SLC35F1: variants seen among roughly 807,000 people sequenced by gnomAD.
The protein encoded by SLC35F1 is chromosome 6 open reading frame 169.
A neutral mutation model predicts 48.7 loss-of-function variants in SLC35F1; 14 were observed. The ratio of observed to expected loss-of-function variants is 0.29; its 90% CI spans 0.19 to 0.45. The LOEUF is 0.45. SLC35F1 is among the 20% of genes least tolerant of loss of function. The pLI, the probability that SLC35F1 is intolerant of heterozygous loss-of-function variation, is 1.00. For missense variants in SLC35F1, 404 were observed against 500.0 expected (o/e 0.81, Z 1.83); for synonymous variants, 190 against 202.2 (o/e 0.94, Z 0.51).
At chr6:118,278,392 A>C (rs1436246421) in intron 6 of SLC35F1, among the ~76,000 whole-genome samples, 1 of 152,206 alleles carries the variant, frequency 6.6e-6, no homozygotes, top group Non-Finnish European at 1.5e-5. Context: ...CTTTGATACA[A>C]CTTTAGCCAA....
chr6:117,986,552 C>G (rs1043493606), intron 1 of SLC35F1, among the ~76,000 whole-genome samples: 1 of 152,136 alleles, frequency 6.6e-6, no homozygotes, highest in Non-Finnish European at 1.5e-5. Flanking sequence ...GTTTGTAAAG[C>G]TCACTGATTG....
At chr6:118,209,000 C>A (rs1774970944) in intron 2 of SLC35F1, among the ~76,000 whole-genome samples, 1 of 152,206 alleles carries the variant, frequency 6.6e-6, no homozygotes, top group South Asian at 2.1e-4. Context: ...AGGTCACTCT[C>A]TTCCTTCTCT....
chr6:118,253,626 A>G (rs1775603732), intron 3 of SLC35F1, among the ~76,000 whole-genome samples: 1 of 152,118 alleles, frequency 6.6e-6, no homozygotes, highest in Non-Finnish European at 1.5e-5. Context: ...AACAAGATGC[A>G]TCCACAAAAA....
Position 117,944,889 on chromosome 6 carries a change from A to G in SLC35F1, c.173+36990A>G, listed in dbSNP as rs560282669. Among the ~76,000 whole-genome samples the G allele has an allele frequency of 3.9e-5, 6 of 152,130 alleles. No individual in the cohort carries two copies. The South Asian group carries it at 1.2e-3, about 32-fold the overall frequency. On this transcript the variant is annotated intron_variant, in intron 1 of 7. Transcript: ENST00000360388. Reference sequence around the variant, plus strand: ...CTGAGTGCTTTTACTGTGTTCCCAAATGGTCTGGATCTGTCTTTGACAAGG... The same window carrying G: ...CTGAGTGCTTTTACTGTGTTCCCAAGTGGTCTGGATCTGTCTTTGACAAGG...
chr6:117,910,366 A>G (rs144727322), intron 1 of SLC35F1, among the ~76,000 whole-genome samples: 21 of 152,340 alleles, frequency 1.4e-4, no homozygotes, highest in African/African-American at 3.6e-4. Flanking sequence ...GGGCCTAATC[A>G]TAAGCATCTT....
intron 2 of SLC35F1, among the ~76,000 whole-genome samples, chr6:118,198,351 A>G (rs1304061548): frequency 1.3e-5 from 2 of 152,222 alleles, no homozygotes; most frequent in African/African-American, 4.8e-5. Flanking sequence ...TCACAGAAGT[A>G]ACATGACCAT....
At chr6:118,112,497 C>G (rs1453482378) in intron 1 of SLC35F1, among the ~76,000 whole-genome samples, 1 of 152,090 alleles carries the variant, frequency 6.6e-6, no homozygotes, top group Non-Finnish European at 1.5e-5. Flanking sequence ...CTCCACTTTA[C>G]TTTCTTAATA....
chr6:117,988,330 C>T (rs983340202), intron 1 of SLC35F1, among the ~76,000 whole-genome samples: 1 of 152,068 alleles, frequency 6.6e-6, no homozygotes, highest in Admixed American at 6.6e-5. Flanking sequence ...CCCTTATATC[C>T]CAGAGCAGCA....
At chr6:118,013,124 C>A (rs1464116444) in intron 1 of SLC35F1, among the ~76,000 whole-genome samples, 2 of 152,180 alleles carry the variant, frequency 1.3e-5, no homozygotes, top group Admixed American at 6.5e-5. Context: ...GACCCCAGTG[C>A]TCTTGCCTCA....
In SLC35F1 at chr6:118,292,425, G is replaced by A. The variant is rs116336631; in HGVS notation, c.1002+7087G>A. 5.1e-3 allele frequency among the ~76,000 whole-genome samples: 778 copies of A among 152,304 alleles called. 8 individuals are homozygous for A. The highest frequency in any genetic ancestry group is 0.018 in the African/African-American group (746 of 41,556). ...GCTAGAGGAAGCAGGACACTGATGT[G>A]AGAGAGTACCGAGGGGCCTCAGCTT... On this transcript the variant is annotated intron_variant, in intron 7 of 7. Transcript: ENST00000360388.
intron 7 of SLC35F1, among the ~76,000 whole-genome samples, chr6:118,289,552 C>A (rs1162292051): frequency 6.6e-6 from 1 of 152,090 alleles, no homozygotes; most frequent in Admixed American, 6.6e-5. Context: ...TTTTACAGTG[C>A]ACATATATTT....
chr6:118,194,708 G>C (rs533001549), intron 2 of SLC35F1, among the ~76,000 whole-genome samples: 1 of 152,276 alleles, frequency 6.6e-6, no homozygotes, highest in East Asian at 1.9e-4. Flanking sequence ...GAGATAAACA[G>C]TGGTTTTTAC....
At chr6:118,117,215 A>G (rs1190803428) in intron 1 of SLC35F1, among the ~76,000 whole-genome samples, 2 of 152,150 alleles carry the variant, frequency 1.3e-5, no homozygotes, top group African/African-American at 4.8e-5. Flanking sequence ...ATTTGCATAT[A>G]TTGGATTTTA....
At chr6:118,000,613 A>G (rs570115874) in intron 1 of SLC35F1, among the ~76,000 whole-genome samples, 1 of 152,336 alleles carries the variant, frequency 6.6e-6, no homozygotes, top group South Asian at 2.1e-4. Context: ...ATTAGGTAGG[A>G]GAAGGAAATA....
intron 1 of SLC35F1, among the ~76,000 whole-genome samples, chr6:117,914,495 G>A (rs1193839067): frequency 6.6e-6 from 1 of 152,132 alleles, no homozygotes; most frequent in Non-Finnish European, 1.5e-5. Flanking sequence ...GTATAAGATA[G>A]ATCTCCTCAC....
chr6:118,155,780 G>T (rs1423407893), intron 2 of SLC35F1, among the ~76,000 whole-genome samples: 3 of 151,998 alleles, frequency 2.0e-5, no homozygotes, highest in Admixed American at 2.0e-4. Flanking sequence ...AATACATTTG[G>T]AGACCATTAT....
At chr6:118,210,541 A>T (rs1291600852) in intron 2 of SLC35F1, among the ~76,000 whole-genome samples, 4 of 152,202 alleles carry the variant, frequency 2.6e-5, no homozygotes, top group Non-Finnish European at 5.9e-5. Flanking sequence ...GTAACTTAGG[A>T]TCTGATTTCC....
chr6:118,007,488 C>T (rs1777188684), intron 1 of SLC35F1, among the ~76,000 whole-genome samples: 2 of 152,116 alleles, frequency 1.3e-5, no homozygotes, highest in East Asian at 1.9e-4. Context: ...GGGGTGCACT[C>T]TTTATTATGT....
At position 118,014,305 on chromosome 6, in the gene SLC35F1, T is replaced by G. The variant is rs143645018; in HGVS notation, c.173+106406T>G. On this transcript the variant is annotated intron_variant, in intron 1 of 7. Transcript: ENST00000360388. ...TAGGCTCTCAAGATTCAGGAAAGGT[T>G]GTTCTCTTCATGGGTTGGAGGCATT... Among the ~76,000 whole-genome samples the G allele has an allele frequency of 5.4e-4, 83 of 152,304 alleles. No homozygotes were observed. The Middle Eastern group carries it at 0.01, about 19-fold the overall frequency.
Sources: allele counts gnomAD v4.1 joint callset (sites outside exome capture counted in the v4.1 genomes callset), GRCh38; gene constraint gnomAD v4.1.1; transcripts MANE v1.5; gene names NCBI Gene and HGNC (gene_info 2026-07-23, HGNC 2026-07-21).